The following CLVS1 variants were observed in gnomAD, a reference collection of about 807,000 sequenced individuals.
CLVS1 encodes clavesin 1.
CLVS1 carries 10 observed loss-of-function variants against 33.1 expected under a neutral mutation model. That is an observed-to-expected ratio of 0.30 (90% CI 0.19 to 0.51). CLVS1 has a LOEUF of 0.51. Among genes scored for constraint, CLVS1 ranks in the 20% least tolerant of loss-of-function variants. The probability of loss-of-function intolerance (pLI) is 0.97; values close to 1 mark genes in which losing one functional copy is unlikely to be tolerated. For synonymous variants in CLVS1, 163 were observed against 166.1 expected (o/e 0.98, Z 0.14); for missense variants, 343 against 433.4 (o/e 0.79, Z 1.85).
intron 1 of CLVS1, among the ~76,000 whole-genome samples, chr8:61,116,808 G>T (rs1297507853): frequency 2.2e-5 from 3 of 139,294 alleles, no homozygotes; most frequent in Non-Finnish European, 3.1e-5. Flanking sequence ...GTAGTGTGAT[G>T]CCTCCAGCTT....
intron 4 of CLVS1, 60 bp downstream of exon 4, chr8:61,454,311 C>T (rs1190739956): frequency 9.0e-7 from 1 of 1,108,606 alleles, no homozygotes; most frequent in Non-Finnish European, 1.4e-6. Flanking sequence ...TCTATTTTCT[C>T]TCTCCCCTCC....
intron 2 of CLVS1, among the ~76,000 whole-genome samples, chr8:61,317,303 G>A (rs1811047938): frequency 6.6e-6 from 1 of 152,148 alleles, no homozygotes; most frequent in Non-Finnish European, 1.5e-5. Flanking sequence ...ATAGGCAAGT[G>A]AGTCAAATGC....
At chr8:61,375,839 T>G (rs1450347769) in intron 2 of CLVS1, among the ~76,000 whole-genome samples, 1 of 152,190 alleles carries the variant, frequency 6.6e-6, no homozygotes, top group Non-Finnish European at 1.5e-5. Flanking sequence ...TGCCATCACT[T>G]CTTCATGTCT....
chr8:61,381,540 T>C (rs1813878614), intron 3 of CLVS1, among the ~76,000 whole-genome samples: 1 of 152,184 alleles, frequency 6.6e-6, no homozygotes, highest in South Asian at 2.1e-4. Context: ...ATTACCCAGG[T>C]AGTGAGCATA....
the CLVS1 span, among the ~76,000 whole-genome samples, chr8:60,997,407 T>C: frequency 1.3e-5 from 2 of 152,236 alleles, no homozygotes; most frequent in Non-Finnish European, 2.9e-5. Context: ...ATCTGGAGTG[T>C]GTGCTGAGAA....
chr8:61,337,397 A>T (rs1811845450), intron 2 of CLVS1, among the ~76,000 whole-genome samples: 1 of 151,898 alleles, frequency 6.6e-6, no homozygotes, highest in Admixed American at 6.6e-5. Context: ...ATGAACTTGG[A>T]GCCTAGTTCT....
intron 2 of CLVS1, among the ~76,000 whole-genome samples, chr8:61,279,664 A>G (rs924952427): frequency 2.6e-5 from 4 of 152,222 alleles, no homozygotes; most frequent in Admixed American, 2.0e-4. Flanking sequence ...GTAAACTTGA[A>G]CTACATCACA....
intron 2 of CLVS1, among the ~76,000 whole-genome samples, chr8:61,165,741 G>A (rs547468034): frequency 6.6e-6 from 1 of 152,116 alleles, no homozygotes; most frequent in African/African-American, 2.4e-5. Flanking sequence ...GACCACCTTG[G>A]GCACATGTTC....
chr8:61,252,903 C>A (rs895213277), intron 2 of CLVS1, among the ~76,000 whole-genome samples: 2 of 152,130 alleles, frequency 1.3e-5, no homozygotes, highest in Admixed American at 6.5e-5. Flanking sequence ...TTAACTGGGG[C>A]ATTTTATCAC....
intron 2 of CLVS1, among the ~76,000 whole-genome samples, chr8:61,259,954 G>A (rs899923525): frequency 6.6e-6 from 1 of 152,102 alleles, no homozygotes; most frequent in African/African-American, 2.4e-5. Context: ...ATCCAGTCAC[G>A]TGGCATAGCC....
At chr8:61,430,106 G>A (rs778419456) in intron 3 of CLVS1, among the ~76,000 whole-genome samples, 9 of 152,138 alleles carry the variant, frequency 5.9e-5, no homozygotes, top group Non-Finnish European at 1.2e-4. Flanking sequence ...TTACTAGGAA[G>A]CCAGTGCACT....
chr8:61,487,221 G>T (rs1050675175), intron 5 of CLVS1, among the ~76,000 whole-genome samples: 2 of 152,134 alleles, frequency 1.3e-5, no homozygotes, highest in African/African-American at 4.8e-5. Flanking sequence ...ATTTCAGACT[G>T]CAATATGGAT....
At chr8:61,121,067 A>G (rs1443098290) in intron 1 of CLVS1, among the ~76,000 whole-genome samples, 5 of 151,790 alleles carry the variant, frequency 3.3e-5, no homozygotes, top group South Asian at 2.1e-4. Context: ...GCGGGGTATA[A>G]TCTCGTGGTG....
chr8:61,112,303 G>A (rs1366718148), intron 1 of CLVS1, among the ~76,000 whole-genome samples: 1 of 151,420 alleles, frequency 6.6e-6, no homozygotes, highest in African/African-American at 2.4e-5. Flanking sequence ...ACTTGATCAT[G>A]GTGTATTAGT....
intron 2 of CLVS1, among the ~76,000 whole-genome samples, chr8:61,355,031 CCT>C (rs1401749865): frequency 6.6e-6 from 1 of 152,120 alleles, no homozygotes; most frequent in Non-Finnish European, 1.5e-5. Flanking sequence ...TCTGTTCTTC[CCT>C]GTTTCTCCTA....
chr8:61,143,313 C>A (rs1442285946), intron 2 of CLVS1, among the ~76,000 whole-genome samples: 1 of 152,214 alleles, frequency 6.6e-6, no homozygotes, highest in Non-Finnish European at 1.5e-5. Context: ...AGGATTCGCA[C>A]TGTGGTCCAG....
chr8:61,501,435 C>T lies in CLVS1; in HGVS notation c.*1893C>T, dbSNP rs1203036538. 1 of 152,136 alleles carries T rather than the reference C, an allele frequency of 6.6e-6. No individual in the cohort carries two copies. Among genetic ancestry groups the T allele is most frequent in the Non-Finnish European group, 1.5e-5 (1 of 68,006 alleles). 9.4% of individuals were successfully genotyped at this position (152,136 alleles called of 1,614,324 possible). A position where few individuals can be genotyped will look rare whatever the true frequency, so the allele number is the denominator to read the frequency against. ...ACTAAGTTAAGAGCTAGTTTTTACT[C>T]TCTTCCATAATTTCATTACATGAAT... On this transcript the variant is annotated 3_prime_UTR_variant, in exon 6 of 6. Transcript: ENST00000325897.
the CLVS1 span, among the ~76,000 whole-genome samples, chr8:60,982,311 T>C: frequency 6.6e-6 from 1 of 152,372 alleles, no homozygotes. Flanking sequence ...TGGTCACTGG[T>C]GTGGTACGTG....
chr8:61,100,657 A>T (rs143468017), intron 1 of CLVS1, among the ~76,000 whole-genome samples: 28 of 152,328 alleles, frequency 1.8e-4, no homozygotes, highest in Non-Finnish European at 3.1e-4. Context: ...ACCACAATCA[A>T]CTTTAGAACA....
Sources: gnomAD v4.1 joint callset for allele counts (sites outside exome capture counted in the v4.1 genomes callset) on GRCh38, gnomAD v4.1.1 for gene constraint, MANE v1.5 for transcripts, NCBI Gene and HGNC (gene_info 2026-07-23, HGNC 2026-07-21) for gene names.